GLIS3: variants seen among roughly 807,000 people sequenced by gnomAD.
The protein encoded by GLIS3 is zinc finger protein GLIS3.
A neutral mutation model predicts 78.6 loss-of-function variants in GLIS3; 53 were observed. The observed-to-expected ratio is 0.67, with a 90% CI of 0.54 to 0.85. The LOEUF (loss-of-function observed/expected upper bound fraction) is 0.85, where lower values mean the gene tolerates loss of function less well. Ranked by LOEUF, GLIS3 falls within the 40% of genes least tolerant of loss-of-function variation. The probability of loss-of-function intolerance (pLI) is 0.00; values close to 1 mark genes in which losing one functional copy is unlikely to be tolerated. For missense variants in GLIS3, 1,703 were observed against 1,231.1 expected (o/e 1.38, Z -5.74); for synonymous variants, 684 against 509.9 (o/e 1.34, Z -4.60).
chr9:4,465,399 A>T, the GLIS3 span, among the ~76,000 whole-genome samples: 1 of 152,156 alleles, frequency 6.6e-6, no homozygotes, highest in African/African-American at 2.4e-5. Context: ...AATACAAAAA[A>T]TTAGCCATGC....
At chr9:3,955,566 T>C (rs1449195274) in intron 4 of GLIS3, among the ~76,000 whole-genome samples, 1 of 152,112 alleles carries the variant, frequency 6.6e-6, no homozygotes, top group African/African-American at 2.4e-5. Flanking sequence ...AAAGGGGTCA[T>C]GAGCAGTAGT....
At chr9:4,246,837 T>A (rs368495267) in intron 2 of GLIS3, among the ~76,000 whole-genome samples, 1 of 152,206 alleles carries the variant, frequency 6.6e-6, no homozygotes, top group Non-Finnish European at 1.5e-5. Context: ...TTGTGTTTCA[T>A]TGGTTTTTAT....
chr9:4,171,589 A>G (rs1023400467), intron 2 of GLIS3, among the ~76,000 whole-genome samples: 2 of 152,206 alleles, frequency 1.3e-5, no homozygotes, highest in Admixed American at 6.5e-5. Context: ...ATCTTTAGCT[A>G]TCTGAGGGGA....
rs993677759 is a variant in GLIS3 at position 4,011,851 on chromosome 9, G to C, written c.1711-74662C>G. Among the ~76,000 whole-genome samples the C allele has an allele frequency of 1.9e-4, 29 of 151,566 alleles. 1 individual carries two copies. The highest frequency in any genetic ancestry group is 6.8e-4 in the African/African-American group (28 of 41,296). On this transcript the variant is annotated intron_variant, in intron 4 of 10. Transcript: ENST00000381971. ...TCTGCTCTTAACATTTTTTTTTATT[G>C]TTTTGACATACCCGCCAAGAGATTG... is the stretch of plus-strand genomic sequence containing the variant.
At chr9:4,380,690 G>A in the GLIS3 span, among the ~76,000 whole-genome samples, 1 of 152,180 alleles carries the variant, frequency 6.6e-6, no homozygotes, top group Admixed American at 6.6e-5. Flanking sequence ...AGAATACTTT[G>A]AGAAACACTG....
chr9:4,300,145 G>A (rs1817000346), upstream of GLIS3, among the ~76,000 whole-genome samples: 1 of 151,560 alleles, frequency 6.6e-6, no homozygotes, highest in Admixed American at 6.6e-5. Context: ...GAGTGGGGGC[G>A]GGCTCGCGGG....
At chr9:4,367,144 A>G in the GLIS3 span, among the ~76,000 whole-genome samples, 2 of 152,222 alleles carry the variant, frequency 1.3e-5, no homozygotes, top group Admixed American at 6.5e-5. Flanking sequence ...ATGATCCTCC[A>G]CTGCCTTTGA....
intron 2 of GLIS3, among the ~76,000 whole-genome samples, chr9:4,218,412 G>A (rs1428681771): frequency 6.6e-6 from 1 of 152,086 alleles, no homozygotes; most frequent in African/African-American, 2.4e-5. Flanking sequence ...CTGAGTAGCT[G>A]GGACTACAGG....
At chr9:4,465,449 G>A in the GLIS3 span, among the ~76,000 whole-genome samples, 15 of 152,172 alleles carry the variant, frequency 9.9e-5, no homozygotes, top group South Asian at 8.3e-4. Context: ...CTAGGGAGGC[G>A]GAGGCACAAG....
At chr9:3,887,453 G>T (rs1476229451) in intron 7 of GLIS3, among the ~76,000 whole-genome samples, 3 of 152,214 alleles carry the variant, frequency 2.0e-5, no homozygotes, top group Non-Finnish European at 2.9e-5. Flanking sequence ...GCTTAAGCGT[G>T]CTGCTATTCT....
intron 2 of GLIS3, among the ~76,000 whole-genome samples, chr9:4,159,459 C>G (rs1361368339): frequency 6.6e-6 from 1 of 152,184 alleles, no homozygotes; most frequent in African/African-American, 2.4e-5. Context: ...TGGCTCATGT[C>G]TGTAATCCCA....
At chr9:4,157,203 G>A (rs1835104420) in intron 2 of GLIS3, among the ~76,000 whole-genome samples, 1 of 152,174 alleles carries the variant, frequency 6.6e-6, no homozygotes, top group African/African-American at 2.4e-5. Context: ...AGGTGCCTGT[G>A]GCTAAGAATA....
At chr9:4,292,300 T>C (rs183795597) in intron 1 of GLIS3, among the ~76,000 whole-genome samples, 6 of 152,326 alleles carry the variant, frequency 3.9e-5, no homozygotes, top group Admixed American at 2.0e-4. Flanking sequence ...AATATATTAA[T>C]GGTGAACTAT....
intron 9 of GLIS3, among the ~76,000 whole-genome samples, chr9:3,852,490 G>T (rs1431345959): frequency 6.6e-6 from 1 of 152,164 alleles, no homozygotes; most frequent in Admixed American, 6.5e-5. Context: ...TACAACTCCA[G>T]CAAACTCGTC....
intron 4 of GLIS3, among the ~76,000 whole-genome samples, chr9:4,034,198 G>A (rs1161218795): frequency 6.6e-6 from 1 of 151,850 alleles, no homozygotes; most frequent in Non-Finnish European, 1.5e-5. Context: ...CTCCAACCTG[G>A]GCAACACAGT....
the GLIS3 span, among the ~76,000 whole-genome samples, chr9:4,478,464 A>G: frequency 6.6e-6 from 1 of 152,104 alleles, no homozygotes; most frequent in Non-Finnish European, 1.5e-5. Flanking sequence ...TACAAAAATT[A>G]GTTCGGCCTG....
At chr9:4,131,454 T>G (rs1325130141) in intron 2 of GLIS3, among the ~76,000 whole-genome samples, 1 of 152,162 alleles carries the variant, frequency 6.6e-6, no homozygotes, top group African/African-American at 2.4e-5. Flanking sequence ...GGTGATTGGA[T>G]CAGTGGGATA....
chr9:4,045,483 A>G (rs976467538), intron 4 of GLIS3, among the ~76,000 whole-genome samples: 1 of 148,288 alleles, frequency 6.7e-6, no homozygotes, highest in Non-Finnish European at 1.5e-5. Flanking sequence ...TTAGAGGCAC[A>G]CACCACCACA....
At chr9:4,059,823 T>A (rs1588568385) in intron 4 of GLIS3, among the ~76,000 whole-genome samples, 1 of 123,878 alleles carries the variant, frequency 8.1e-6, no homozygotes, top group African/African-American at 3.2e-5. Flanking sequence ...TGTGTGTGTG[T>A]GTGTGTGAGA....
Sources: allele counts gnomAD v4.1 joint callset (sites outside exome capture counted in the v4.1 genomes callset), GRCh38; gene constraint gnomAD v4.1.1; transcripts MANE v1.5; gene names NCBI Gene and HGNC (gene_info 2026-07-23, HGNC 2026-07-21).